The following BAZ2B variants were observed in gnomAD, a reference collection of about 807,000 sequenced individuals.
BAZ2B encodes bromodomain adjacent to zinc finger domain protein 2B.
A neutral mutation model predicts 246.0 loss-of-function variants in BAZ2B; 91 were observed. The ratio of observed to expected loss-of-function variants is 0.37; its 90% CI spans 0.31 to 0.44. BAZ2B has a LOEUF of 0.44. Ranked by LOEUF, BAZ2B falls within the 20% of genes least tolerant of loss-of-function variation. BAZ2B has a pLI of 1.00. For synonymous variants in BAZ2B, 855 were observed against 860.0 expected (o/e 0.99, Z 0.10); for missense variants, 2,332 against 2,533.7 (o/e 0.92, Z 1.71).
intron 2 of BAZ2B, among the ~76,000 whole-genome samples, chr2:159,494,494 ATACTAC>A (rs145696402): frequency 6.6e-6 from 1 of 152,042 alleles, no homozygotes; most frequent in Non-Finnish European, 1.5e-5. Context: ...ATACATGCAC[ATACTAC>A]TACTACTACA....
At position 159,478,590 on chromosome 2, in the gene BAZ2B, T is replaced by C; in HGVS notation, c.130A>G (p.Thr44Ala). The change falls in exon 3 of 37, where the codon ACA (threonine) becomes GCA (alanine). Residue 44 changes from threonine (T) to alanine (A), a missense_variant. Transcript: ENST00000392783. The stretch of plus-strand genomic sequence containing the variant: ...GGGTATTCACCACATGGGTTGATTG[T>C]AGAGCTAAGTGAAGCAACTCCAGTG... ...LSTGVASLSS[T>A]INPCGHLFRT... 1 of 1,608,520 alleles carries C rather than the reference T, an allele frequency of 6.2e-7. No homozygotes were observed. The highest frequency in any genetic ancestry group is 8.5e-7 in the Non-Finnish European group (1 of 1,177,750).
At chr2:159,464,514 C>T (rs756780544) in intron 3 of BAZ2B, 1 of 152,012 alleles carries the variant, frequency 6.6e-6, no homozygotes, top group South Asian at 2.1e-4. Context: ...ACATTAACTT[C>T]GATCACTTGG....
At chr2:159,335,851 A>C (rs1465873244) in intron 33 of BAZ2B, among the ~76,000 whole-genome samples, 1 of 152,200 alleles carries the variant, frequency 6.6e-6, no homozygotes, top group Non-Finnish European at 1.5e-5. Flanking sequence ...TAAATTTTAA[A>C]GCTAGTCTGT....
chr2:159,589,256 CTCA>C (rs1688741898), intron 1 of BAZ2B, among the ~76,000 whole-genome samples: 1 of 152,056 alleles, frequency 6.6e-6, no homozygotes, highest in African/African-American at 2.4e-5. Flanking sequence ...GGTATCCTTA[CTCA>C]CACTGCTCAG....
chr2:159,502,364 C>G (rs2081937741), intron 2 of BAZ2B, among the ~76,000 whole-genome samples: 1 of 151,592 alleles, frequency 6.6e-6, no homozygotes, highest in African/African-American at 2.4e-5. Context: ...GTAATTTACA[C>G]CTGCAGTCCC....
In BAZ2B at chr2:159,601,416, CCT is replaced by C. The variant is rs1191713683; in HGVS notation, c.-46+14824_-46+14825del. On this transcript the variant is annotated intron_variant, in intron 1 of 36. Transcript: ENST00000392783. ...TCCAGAATGGGTGACAGAGTGATACCCTGTCTCAAAAGAAAAAAAAAAAAGGC... is the reference window on the plus strand; with the variant it reads ...TCCAGAATGGGTGACAGAGTGATACCGTCTCAAAAGAAAAAAAAAAAAGGC... 1.4e-4 allele frequency among the ~76,000 whole-genome samples: 17 copies of C among 124,256 alleles called. No homozygotes were observed. The South Asian group carries it at 3.8e-3, about 28-fold the overall frequency. The allele number at this position is 124,256 out of a possible 152,430, so 81.5% of individuals were successfully genotyped here. A position where few individuals can be genotyped will look rare whatever the true frequency, so the allele number is the denominator to read the frequency against.
Position 159,412,558 on chromosome 2 carries a change from AT to A in BAZ2B, c.2467-14del. On this transcript the variant is annotated splice_polypyrimidine_tract_variant and intron_variant, in intron 13 of 36. Coordinates refer to ENST00000392783, the MANE Select transcript of BAZ2B (RefSeq NM_013450.4). ...ACCACTGCATTCCCTTTTAATTAAC[AT>A]TTTATAGAAATAATATATTACAAAC... is the stretch of plus-strand genomic sequence containing the variant. 6.3e-7 allele frequency: 1 copy of A among 1,594,460 alleles called. No homozygotes were observed. Among genetic ancestry groups the A allele is most frequent in the Non-Finnish European group, 8.6e-7 (1 of 1,168,278 alleles).
chr2:159,416,203 C>G (rs1444863281), intron 13 of BAZ2B, among the ~76,000 whole-genome samples: 2 of 152,154 alleles, frequency 1.3e-5, no homozygotes, highest in African/African-American at 4.8e-5. Flanking sequence ...AACATCTATA[C>G]TAACTCCTTT....
In BAZ2B at chr2:159,352,808, T is replaced by C. The variant is rs146763301; in HGVS notation, c.4214-2451A>G. Among the ~76,000 whole-genome samples, 85 of 152,276 alleles carry C rather than the reference T, an allele frequency of 5.6e-4. No individual in the cohort carries two copies. The Middle Eastern group carries it at 0.024, about 43-fold the overall frequency. On this transcript the variant is annotated intron_variant, in intron 27 of 36. Coordinates refer to ENST00000392783, the MANE Select transcript of BAZ2B (RefSeq NM_013450.4). ...GTCAATGTCTGTATCTTGCTATTATTGGATTCCAAATGCTTAGCATGGTGG... is the reference window on the plus strand; with the variant it reads ...GTCAATGTCTGTATCTTGCTATTATCGGATTCCAAATGCTTAGCATGGTGG...
chr2:159,563,668 G>C (rs551143132), intron 1 of BAZ2B, among the ~76,000 whole-genome samples: 1 of 152,270 alleles, frequency 6.6e-6, no homozygotes, highest in Non-Finnish European at 1.5e-5. Context: ...AGGGACTAGG[G>C]GAAGGAGGAG....
At chr2:159,563,531 C>A (rs916061460) in intron 1 of BAZ2B, among the ~76,000 whole-genome samples, 3 of 151,886 alleles carry the variant, frequency 2.0e-5, no homozygotes, top group Non-Finnish European at 2.9e-5. Context: ...CATGGATGAA[C>A]CTTAAAGACA....
chr2:159,385,434 T>C (rs1161905625), intron 22 of BAZ2B, 65 bp from the exon 23 acceptor site: 1 of 1,383,420 alleles, frequency 7.2e-7, no homozygotes, highest in Admixed American at 1.9e-5. Context: ...AACAATAAGA[T>C]TAAAAATCCT....
the BAZ2B span, among the ~76,000 whole-genome samples, chr2:159,682,904 A>AC: frequency 4.8e-4 from 46 of 95,314 alleles, no homozygotes; most frequent in Middle Eastern, 6.4e-3. Flanking sequence ...ATAAACTGCC[A>AC]CCCCTCCCCC....
chr2:159,526,553 G>A (rs532785468), intron 2 of BAZ2B, among the ~76,000 whole-genome samples: 81 of 152,240 alleles, frequency 5.3e-4, no homozygotes, highest in African/African-American at 1.9e-3. Flanking sequence ...TATTAACATA[G>A]ATATATATCT....
Position 159,337,602 on chromosome 2 carries a change from G to C in BAZ2B, c.5625C>G (p.Thr1875=), listed in dbSNP as rs750857206. 1.2e-6 allele frequency: 2 copies of C among 1,614,152 alleles called. No homozygotes were observed. Among genetic ancestry groups the C allele is most frequent in the Admixed American group, 1.7e-5 (1 of 60,022 alleles). The change falls in exon 32 of 37, where the codon ACC becomes ACG. Residue 1875 remains threonine (T), a synonymous_variant. Transcript: ENST00000392783. ...KSDNPLDIAV[T]RLADLERNIE... ...TGTTCCGCTCCAAATCAGCCAGCCT[G>C]GTTACAGCTATATCTAGGGGGTTGT...
chr2:159,484,061 T>A (rs906753313), intron 2 of BAZ2B, among the ~76,000 whole-genome samples: 1 of 152,134 alleles, frequency 6.6e-6, no homozygotes, highest in Non-Finnish European at 1.5e-5. Context: ...TTTTCGGTTG[T>A]CACAACTGGA....
the BAZ2B span, among the ~76,000 whole-genome samples, chr2:159,639,455 T>A: frequency 6.6e-6 from 1 of 151,938 alleles, no homozygotes; most frequent in Non-Finnish European, 1.5e-5. Context: ...GATAAAACAA[T>A]CAAAAATAAT....
intron 8 of BAZ2B, chr2:159,437,864 C>T (rs956876942): frequency 6.3e-6 from 1 of 157,994 alleles, no homozygotes; most frequent in Non-Finnish European, 1.4e-5. Context: ...TTGCAGTGAG[C>T]TGAGATTGAG....
At chr2:159,367,202 G>A (rs1453034474) in intron 27 of BAZ2B, among the ~76,000 whole-genome samples, 2 of 152,138 alleles carry the variant, frequency 1.3e-5, no homozygotes, top group Non-Finnish European at 2.9e-5. Context: ...AATATATAGT[G>A]GTATGAAGGC....
Sources: allele counts gnomAD v4.1 joint callset (sites outside exome capture counted in the v4.1 genomes callset), GRCh38; gene constraint gnomAD v4.1.1; transcripts MANE v1.5; gene names NCBI Gene and HGNC (gene_info 2026-07-23, HGNC 2026-07-21).